Variants in CUL1 observed in about 807,000 individuals in gnomAD.
CUL1 encodes the protein cullin 1, also known as cullin-1.
CUL1 carries 24 observed loss-of-function variants against 118.0 expected under a neutral mutation model. The ratio of observed to expected loss-of-function variants is 0.20; its 90% CI spans 0.15 to 0.29. CUL1 has a LOEUF of 0.29. Among genes scored for constraint, CUL1 ranks in the 10% least tolerant of loss-of-function variants. CUL1 has a pLI of 1.00. For synonymous variants in CUL1, 332 were observed against 340.4 expected (o/e 0.98, Z 0.27); for missense variants, 361 against 933.8 (o/e 0.39, Z 7.99).
At chr7:148,793,286 A>G (rs1801079060) in intron 17 of CUL1, among the ~76,000 whole-genome samples, 2 of 152,190 alleles carry the variant, frequency 1.3e-5, no homozygotes, top group African/African-American at 2.4e-5. Context: ...CCTGCTAGCC[A>G]TATTTTTTAT....
chr7:148,743,707 C>T (rs752903712), intron 2 of CUL1, among the ~76,000 whole-genome samples: 8 of 152,156 alleles, frequency 5.3e-5, no homozygotes, highest in Non-Finnish European at 8.8e-5. Context: ...GCGGGCAGAT[C>T]GCCTGATGCC....
At chr7:148,750,708 A>G (rs1021952948) in intron 2 of CUL1, among the ~76,000 whole-genome samples, 9 of 152,188 alleles carry the variant, frequency 5.9e-5, no homozygotes, top group South Asian at 2.1e-4. Flanking sequence ...GCTTGTGTCA[A>G]AGCTTCAAAG....
rs372214202 is a variant in CUL1 at position 148,784,219 on chromosome 7, C to T, written c.1298+142C>T. On this transcript the variant is annotated intron_variant, in intron 11 of 21. Transcript: ENST00000325222. ...GAGAAAAATGCTTAAACATAATCGT[C>T]CTTGCCGTTGAAAATCTGCATTCCC... The T allele has an allele frequency of 3.6e-5, 25 of 688,130 alleles. 1 individual carries two copies. Among genetic ancestry groups the T allele is most frequent in the African/African-American group, 3.6e-4 (20 of 55,642 alleles). 42.6% of individuals were successfully genotyped at this position (688,130 alleles called of 1,614,324 possible).
At chr7:148,756,375 GC>G (rs1799657898) in intron 3 of CUL1, among the ~76,000 whole-genome samples, 1 of 151,816 alleles carries the variant, frequency 6.6e-6, no homozygotes, top group South Asian at 2.1e-4. Flanking sequence ...TTGCTCTGTC[GC>G]CCAGGCTAGA....
At chr7:148,725,219 GCTCACACACACACACA>G (rs1798534823) in intron 1 of CUL1, among the ~76,000 whole-genome samples, 1 of 140,060 alleles carries the variant, frequency 7.1e-6, no homozygotes, top group Non-Finnish European at 1.5e-5. Context: ...ACACGCGCGC[GCTCACACACACACACA>G]CACACACACA....
At chr7:148,753,825 G>A in intron 2 of CUL1, 151 bp from the exon 3 acceptor site, 1 of 601,218 alleles carries the variant, frequency 1.7e-6, no homozygotes, top group Non-Finnish European at 2.7e-6. Flanking sequence ...TTTATGGATA[G>A]TGTGAATGGG....
At chr7:148,717,164 A>G (rs1470882538) in intron 1 of CUL1, among the ~76,000 whole-genome samples, 18 of 152,122 alleles carry the variant, frequency 1.2e-4, no homozygotes, top group Non-Finnish European at 1.3e-4. Context: ...GGTTCCAGCA[A>G]TTCTGCCTCA....
At chr7:148,732,526 T>C (rs1031268119) in intron 2 of CUL1, among the ~76,000 whole-genome samples, 5 of 151,240 alleles carry the variant, frequency 3.3e-5, no homozygotes, top group African/African-American at 1.2e-4. Flanking sequence ...TTTTTTTTCC[T>C]AGAGACTTTC....
rs1797743481 is a variant in CUL1 at position 148,702,257 on chromosome 7, A to G, written c.-162+3228A>G. On this transcript the variant is annotated intron_variant, in intron 1 of 21. Transcript: ENST00000325222. ...TTTTATTCACTCATGGAGGTGTTTC[A>G]TTTCTAAAAATTCCGTGAGGGAGAG... Among the ~76,000 whole-genome samples, 3 of 152,232 alleles carry G rather than the reference A, an allele frequency of 2.0e-5. No homozygotes were observed. The South Asian group carries it at 6.2e-4, about 31-fold the overall frequency.
At chr7:148,775,996 C>T (rs1374937972) in intron 9 of CUL1, among the ~76,000 whole-genome samples, 1 of 152,006 alleles carries the variant, frequency 6.6e-6, no homozygotes, top group Admixed American at 6.6e-5. Flanking sequence ...AAAAATGAGT[C>T]ATTTATTTGA....
At chr7:148,777,242 C>T (rs776626018) in intron 9 of CUL1, among the ~76,000 whole-genome samples, 35 of 151,974 alleles carry the variant, frequency 2.3e-4, no homozygotes, top group Non-Finnish European at 3.4e-4. Context: ...GATCAGAATC[C>T]AAAGGTGACA....
chr7:148,707,460 TTGG>T (rs1442273170), intron 1 of CUL1, among the ~76,000 whole-genome samples: 2 of 152,212 alleles, frequency 1.3e-5, no homozygotes, highest in Non-Finnish European at 2.9e-5. Context: ...TTACATGTTA[TTGG>T]TGGTGTCATG....
At chr7:148,756,087 T>C (rs1038975518) in intron 3 of CUL1, among the ~76,000 whole-genome samples, 1 of 152,184 alleles carries the variant, frequency 6.6e-6, no homozygotes, top group African/African-American at 2.4e-5. Flanking sequence ...GAAAAAAAAT[T>C]CCGGTTAGTC....
intron 1 of CUL1, among the ~76,000 whole-genome samples, chr7:148,710,945 G>C (rs1048741563): frequency 1.3e-5 from 2 of 152,070 alleles, no homozygotes; most frequent in African/African-American, 4.8e-5. Flanking sequence ...TGAGATTACA[G>C]GCAGGAGCCA....
intron 1 of CUL1, among the ~76,000 whole-genome samples, chr7:148,702,709 C>T (rs550268250): frequency 5.9e-5 from 9 of 152,190 alleles, no homozygotes; most frequent in Non-Finnish European, 1.3e-4. Flanking sequence ...TCACACATCA[C>T]CATCTCTGGA....
At chr7:148,717,145 C>T (rs541335740) in intron 1 of CUL1, among the ~76,000 whole-genome samples, 11 of 152,136 alleles carry the variant, frequency 7.2e-5, no homozygotes, top group Non-Finnish European at 1.5e-4. Flanking sequence ...CTGCAGCCTC[C>T]ACCTCCAGGG....
At chr7:148,756,774 C>G (rs1306304940) in intron 3 of CUL1, among the ~76,000 whole-genome samples, 1 of 151,908 alleles carries the variant, frequency 6.6e-6, no homozygotes, top group Non-Finnish European at 1.5e-5. Context: ...GAAAAATGTT[C>G]CAGTTTAATT....
chr7:148,732,243 G>T (rs1350414025), intron 2 of CUL1, among the ~76,000 whole-genome samples: 1 of 152,142 alleles, frequency 6.6e-6, no homozygotes, highest in Non-Finnish European at 1.5e-5. Flanking sequence ...GGAGAGCACT[G>T]CTCCAGAGCT....
At chr7:148,700,525 A>G (rs777888243) in intron 1 of CUL1, among the ~76,000 whole-genome samples, 9 of 152,202 alleles carry the variant, frequency 5.9e-5, no homozygotes, top group African/African-American at 9.7e-5. Flanking sequence ...TTCTTTGTTT[A>G]AAGAAGGTTT....
Sources: gnomAD v4.1 joint callset for allele counts (sites outside exome capture counted in the v4.1 genomes callset) on GRCh38, gnomAD v4.1.1 for gene constraint, MANE v1.5 for transcripts, NCBI Gene and HGNC (gene_info 2026-07-23, HGNC 2026-07-21) for gene names.